Variants in PPP1R2 observed in about 807,000 individuals in gnomAD.
The protein encoded by PPP1R2 is protein phosphatase inhibitor 2.
In PPP1R2, 16 loss-of-function variants were observed where a neutral mutation model predicts 29.9. The observed-to-expected ratio is 0.53, with a 90% CI of 0.36 to 0.81. The LOEUF (loss-of-function observed/expected upper bound fraction) is 0.81, where lower values mean the gene tolerates loss of function less well. PPP1R2 is among the 30% of genes least tolerant of loss of function. PPP1R2 has a pLI of 0.00. For synonymous variants in PPP1R2, 76 were observed against 91.5 expected (o/e 0.83, Z 0.96); for missense variants, 197 against 252.7 (o/e 0.78, Z 1.49).
intron 1 of PPP1R2, among the ~76,000 whole-genome samples, chr3:195,531,373 G>C (rs1719173992): frequency 1.3e-5 from 2 of 152,052 alleles, no homozygotes; most frequent in Non-Finnish European, 2.9e-5. Context: ...TTCCACATTT[G>C]GTCTAAATTG....
At chr3:195,521,909 C>A (rs1718777485) in intron 4 of PPP1R2, among the ~76,000 whole-genome samples, 1 of 152,134 alleles carries the variant, frequency 6.6e-6, no homozygotes, top group Admixed American at 6.5e-5. Context: ...TCTCAGCCTC[C>A]CAAAGTGCTG....
chr3:195,519,326 G>A, intron 4 of PPP1R2, 141 bp from the exon 5 acceptor site: 1 of 645,816 alleles, frequency 1.5e-6, no homozygotes, highest in African/African-American at 1.9e-5. Flanking sequence ...CAATGGCAGA[G>A]TTGAGTAGTT....
At chr3:195,528,702 ATTTTT>A (rs1186534650) in intron 2 of PPP1R2, 26 of 59,966 alleles carry the variant, frequency 4.3e-4, no homozygotes, top group African/African-American at 1.7e-3. Flanking sequence ...GGGCATAACT[ATTTTT>A]TTTTTTTTTT....
intron 5 of PPP1R2, among the ~76,000 whole-genome samples, chr3:195,518,098 C>T (rs1718614921): frequency 6.6e-6 from 1 of 151,930 alleles, no homozygotes; most frequent in South Asian, 2.1e-4. Flanking sequence ...GTGGTGGGCA[C>T]AAAAAATCTC....
intron 1 of PPP1R2, among the ~76,000 whole-genome samples, chr3:195,538,340 G>C (rs1256255245): frequency 6.6e-6 from 1 of 152,198 alleles, no homozygotes; most frequent in Non-Finnish European, 1.5e-5. Flanking sequence ...GCAAGATTTT[G>C]CTTCAAGGTG....
At chr3:195,542,775 G>T in intron 1 of PPP1R2, 129 bp downstream of exon 1, 3 of 1,143,410 alleles carry the variant, frequency 2.6e-6, no homozygotes, top group Non-Finnish European at 3.5e-6. Context: ...CCCGCGGCTA[G>T]CCGGGCAGGA....
chr3:195,535,100 T>C (rs1391289760), intron 1 of PPP1R2, among the ~76,000 whole-genome samples: 1 of 152,134 alleles, frequency 6.6e-6, no homozygotes, highest in African/African-American at 2.4e-5. Flanking sequence ...AAGACAACTT[T>C]TGCGTGGTGT....
At chr3:195,518,753 A>C (rs1718645600) in intron 5 of PPP1R2, among the ~76,000 whole-genome samples, 1 of 152,254 alleles carries the variant, frequency 6.6e-6, no homozygotes, top group Non-Finnish European at 1.5e-5. Context: ...CTTAATATGA[A>C]GACAAACATC....
At chr3:195,536,430 TAATAA>T (rs1719387580) in intron 1 of PPP1R2, among the ~76,000 whole-genome samples, 1 of 152,128 alleles carries the variant, frequency 6.6e-6, no homozygotes. Context: ...TATTACACTG[TAATAA>T]AATATTTTAA....
chr3:195,516,534 TACC>T lies in PPP1R2; in HGVS notation c.*359_*361del, dbSNP rs754971576. The T allele has an allele frequency of 8.3e-5, 16 of 193,860 alleles. No homozygotes were observed. The highest frequency in any genetic ancestry group is 2.5e-4 in the East Asian group (2 of 8,134). 12.0% of individuals were successfully genotyped at this position (193,860 alleles called of 1,614,324 possible). A position where few individuals can be genotyped will look rare whatever the true frequency, so the allele number is the denominator to read the frequency against. ...TCAAATCAATAAACTTTGTAAGAGC[TACC>T]ACATTTCAAGTGATGAAAATAAATT... On this transcript the variant is annotated 3_prime_UTR_variant, in exon 6 of 6. Coordinates refer to ENST00000618156, the MANE Select transcript of PPP1R2 (RefSeq NM_006241.8).
Position 195,514,960 on chromosome 3 carries a change from C to T in PPP1R2, c.*1936G>A, listed in dbSNP as rs1718490088. ...AGTTTGTAGAAAACACAAAAAGAAT[C>T]AACTGTTTAAAGTCTTATCCTTTTC... On this transcript the variant is annotated 3_prime_UTR_variant, in exon 6 of 6. Transcript: ENST00000618156. 1 of 171,534 alleles carries T rather than the reference C, an allele frequency of 5.8e-6. No individual in the cohort carries two copies. Among genetic ancestry groups the T allele is most frequent in the Non-Finnish European group, 1.4e-5 (1 of 74,052 alleles). The allele number at this position is 171,534 out of a possible 1,614,324, so 10.6% of individuals were successfully genotyped here.
Position 195,516,939 on chromosome 3 carries a change from G to A in PPP1R2, c.575C>T (p.Ser192Phe), listed in dbSNP as rs200010329. 2.1e-4 allele frequency: 344 copies of A among 1,611,948 alleles called. No individual in the cohort carries two copies. The highest frequency in any genetic ancestry group is 2.9e-4 in the Non-Finnish European group (339 of 1,178,406). ...GTTTTGCTGTTGGTCACTTGGAGTAGATCCTGCAAAGATAAAAGAAAAAGT... is the reference window on the plus strand; with the variant it reads ...GTTTTGCTGTTGGTCACTTGGAGTAAATCCTGCAAAGATAAAAGAAAAAGT... ...SMNTEESNQG[S>F]TPSDQQQNKL... Residue 192 changes from serine (S) to phenylalanine (F), a missense_variant, in exon 6 of 6, where the codon TCT (serine) becomes TTT (phenylalanine). Physicochemically the swap from Ser to Phe is radical, Grantham distance 155. Coordinates refer to ENST00000618156, the MANE Select transcript of PPP1R2 (RefSeq NM_006241.8).
At chr3:195,531,592 G>A (rs554571595) in intron 1 of PPP1R2, among the ~76,000 whole-genome samples, 11 of 152,120 alleles carry the variant, frequency 7.2e-5, no homozygotes, top group East Asian at 1.9e-4. Context: ...TCCCCATTTC[G>A]GACTAAGCAC....
chr3:195,537,590 T>G (rs111244384), intron 1 of PPP1R2, among the ~76,000 whole-genome samples: 10 of 152,144 alleles, frequency 6.6e-5, no homozygotes, highest in African/African-American at 2.2e-4. Context: ...TCATGTGAAT[T>G]ATGTTTACAT....
chr3:195,524,041 T>C (rs1488022864), intron 3 of PPP1R2, among the ~76,000 whole-genome samples: 1 of 151,696 alleles, frequency 6.6e-6, no homozygotes, highest in African/African-American at 2.4e-5. Flanking sequence ...TGAGCTTTGA[T>C]TGCGCCTCTG....
At chr3:195,522,278 G>A (rs1016177756) in intron 4 of PPP1R2, among the ~76,000 whole-genome samples, 1 of 152,170 alleles carries the variant, frequency 6.6e-6, no homozygotes, top group African/African-American at 2.4e-5. Context: ...TGTCTTCTTA[G>A]ACAATAATCT....
At chr3:195,523,227 C>T (rs1313649963) in intron 4 of PPP1R2, 1 of 167,142 alleles carries the variant, frequency 6.0e-6, no homozygotes, top group Non-Finnish European at 1.3e-5. Flanking sequence ...GACACTACTG[C>T]TCCTTTTGAT....
At chr3:195,542,392 C>G (rs938198133) in intron 1 of PPP1R2, among the ~76,000 whole-genome samples, 1 of 152,118 alleles carries the variant, frequency 6.6e-6, no homozygotes, top group Non-Finnish European at 1.5e-5. Flanking sequence ...TATCTCTGAA[C>G]AGGAACAAAA....
chr3:195,537,510 T>TGTGTGTGTGTGTGTGTGTGTGTGTGTGC (rs1719440178), intron 1 of PPP1R2, among the ~76,000 whole-genome samples: 1 of 149,898 alleles, frequency 6.7e-6, no homozygotes, highest in African/African-American at 2.5e-5. Flanking sequence ...TGTGTGTGTG[T>TGTGTGTGTGTGTGTGTGTGTGTGTGTGC]GTGTGTGTGT....
Sources: allele counts gnomAD v4.1 joint callset (sites outside exome capture counted in the v4.1 genomes callset), GRCh38; gene constraint gnomAD v4.1.1; transcripts MANE v1.5; gene names NCBI Gene and HGNC (gene_info 2026-07-23, HGNC 2026-07-21).